The following WFS1 variants were observed in gnomAD, a reference collection of about 807,000 sequenced individuals.
The protein encoded by WFS1 is wolframin.
In WFS1, 90 loss-of-function variants were observed where a neutral mutation model predicts 68.5. The observed-to-expected ratio is 1.31, with a 90% CI of 1.11 to 1.56. The LOEUF (loss-of-function observed/expected upper bound fraction) is 1.56. Among genes scored for constraint, WFS1 ranks in the 40% most tolerant of loss-of-function variants. The pLI is 0.00. For synonymous variants in WFS1, 860 were observed against 540.7 expected (o/e 1.59, Z -8.19); for missense variants, 1,767 against 1,232.6 (o/e 1.43, Z -6.49).
chr4:6,288,814 C>T (rs1054345983), intron 3 of WFS1, 173 bp from the exon 4 acceptor site: 12 of 972,306 alleles, frequency 1.2e-5, no homozygotes, highest in South Asian at 2.9e-5. Flanking sequence ...AGCGAGTGGC[C>T]GGAGGCTCAG....
In WFS1 at chr4:6,289,144, G is replaced by A. The variant is rs761635689; in HGVS notation, c.460+13G>A. On this transcript the variant is annotated intron_variant, in intron 4 of 7. Transcript: ENST00000226760. ...GCGGACAGAAGAGGTGGGTCTGTGT[G>A]AGGCTTAGAACAGCCTCTGGAGGGT... 6 of 1,568,424 alleles carry A rather than the reference G, an allele frequency of 3.8e-6. No individual in the cohort carries two copies. Among genetic ancestry groups the A allele is most frequent in the Non-Finnish European group, 4.3e-6 (5 of 1,157,214 alleles).
rs750061220 is a variant in WFS1, at chr4:6,301,240, A to G, written c.1445A>G (p.Lys482Arg). 5.0e-6 allele frequency: 8 copies of G among 1,611,554 alleles called. No homozygotes were observed. Among genetic ancestry groups the G allele is most frequent in the African/African-American group, 1.3e-5 (1 of 75,010 alleles). ...PSMPLNWPYL[K>R]VLGQTFITVP... ...ATGCCCTTGAATTGGCCCTACCTGA[A>G]GGTCCTTGGCCAGACCTTCATCACC... Residue 482 changes from lysine (K) to arginine (R), a missense_variant, in exon 8 of 8, where the codon AAG becomes AGG. Lys to Arg is a conservative substitution (Grantham distance 26, BLOSUM62 2). Coordinates refer to ENST00000226760, the MANE Select transcript of WFS1 (RefSeq NM_006005.3).
At position 6,301,361 on chromosome 4, in the gene WFS1, G is replaced by A. The variant is rs1383526970; in HGVS notation, c.1566G>A (p.Arg522=). ...TCTTCTTCCGCATGGCACAGCTGAGGAATTTCAAGGGCACCTACTGCTACC... is the reference window on the plus strand; with the variant it reads ...TCTTCTTCCGCATGGCACAGCTGAGAAATTTCAAGGGCACCTACTGCTACC... The part of the protein sequence containing the change: ...LYLFFRMAQL[R]NFKGTYCYLV... Residue 522 remains arginine, a synonymous_variant, in exon 8 of 8, where the codon AGG becomes AGA. Transcript: ENST00000226760. 1.1e-5 allele frequency: 17 copies of A among 1,612,306 alleles called. No homozygotes were observed. Among genetic ancestry groups the A allele is most frequent in the Non-Finnish European group, 1.4e-5 (16 of 1,180,030 alleles).
intron 4 of WFS1, among the ~76,000 whole-genome samples, chr4:6,290,871 T>C (rs1234296468): frequency 6.6e-6 from 1 of 152,108 alleles, no homozygotes; most frequent in Non-Finnish European, 1.5e-5. Context: ...TGTGTGACCT[T>C]GAGTGAGCCA....
chr4:6,275,263 A>G (rs542506661), intron 1 of WFS1, among the ~76,000 whole-genome samples: 1 of 152,302 alleles, frequency 6.6e-6, no homozygotes, highest in South Asian at 2.1e-4. Flanking sequence ...CATGGGAGAG[A>G]AGGTAGACAA....
Position 6,283,895 on chromosome 4 carries a change from G to A in WFS1, c.233-3198G>A, listed in dbSNP as rs1730233315. 6.6e-6 allele frequency among the ~76,000 whole-genome samples: 1 copy of A among 152,142 alleles called. No individual in the cohort carries two copies. The highest frequency in any genetic ancestry group is 1.5e-5 in the Non-Finnish European group (1 of 68,036). On this transcript the variant is annotated intron_variant, in intron 2 of 7. Transcript: ENST00000226760. The surrounding 1 kb of genome is among the most constrained non-coding windows in gnomAD (Gnocchi z 5.0). ...CACGTGTGTTTGATGGTTCTTGGTG[G>A]TCCACACTGATGCAGCCGGCTTCTG... is the stretch of plus-strand genomic sequence containing the variant.
At chr4:6,291,809 C>T (rs908509860) in intron 5 of WFS1, 108 bp from the exon 6 acceptor site, 7 of 1,198,718 alleles carry the variant, frequency 5.8e-6, no homozygotes, top group Admixed American at 4.0e-5. Context: ...ACGTAGGATG[C>T]CCCTGGAACT....
intron 7 of WFS1, 49 bp downstream of exon 7, chr4:6,295,238 C>G: frequency 6.2e-7 from 1 of 1,606,942 alleles, no homozygotes. Flanking sequence ...CCCAAGGACT[C>G]GCGCACCTCA....
chr4:6,299,519 G>C (rs577317791), intron 7 of WFS1, among the ~76,000 whole-genome samples: 26 of 146,888 alleles, frequency 1.8e-4, no homozygotes, highest in Non-Finnish European at 3.0e-4. Flanking sequence ...TTGCGTGTGT[G>C]TGAATGTGTA....
chr4:6,295,782 AGC>A, intron 7 of WFS1, among the ~76,000 whole-genome samples: 1 of 152,206 alleles, frequency 6.6e-6, no homozygotes, highest in South Asian at 2.1e-4. Context: ...GGGAGCGGGA[AGC>A]CCAGCAGTGC....
chr4:6,302,336 C>T lies in WFS1; in HGVS notation c.2541C>T (p.Cys847=). The change falls in exon 8 of 8, where the codon TGC becomes TGT. Residue 847 remains cysteine (C), a synonymous_variant. Coordinates refer to ENST00000226760, the MANE Select transcript of WFS1 (RefSeq NM_006005.3). ...TCTTCGAGCTCAAGGCCATCAGCTG[C>T]CTCAACTGCATGGCCCAGCTCTCAC... ...WPVFELKAIS[C]LNCMAQLSPT... 6.2e-7 allele frequency: 1 copy of T among 1,612,700 alleles called. No individual in the cohort carries two copies. The highest frequency in any genetic ancestry group is 8.5e-7 in the Non-Finnish European group (1 of 1,179,942).
rs141570700 is a variant in WFS1 at position 6,301,725 on chromosome 4, G to A, written c.1930G>A (p.Val644Met). The change falls in exon 8 of 8, where the codon GTG becomes ATG. Residue 644 changes from valine to methionine, a missense_variant. By Grantham distance (21) the Val-to-Met change is conservative. Coordinates refer to ENST00000226760, the MANE Select transcript of WFS1 (RefSeq NM_006005.3). ...KLILVWLTAI[V>M]LFCWFYVYRS... The stretch of plus-strand genomic sequence containing the variant: ...CATCCTGGTGTGGCTCACGGCCATC[G>A]TGCTGTTCTGCTGGTTCTATGTGTA... The A allele has an allele frequency of 4.2e-5, 68 of 1,613,916 alleles. No individual in the cohort carries two copies. Among genetic ancestry groups the A allele is most frequent in the Middle Eastern group, 3.3e-4 (2 of 6,084 alleles).
In WFS1 at chr4:6,301,306, C is replaced by G. The variant is rs28937892; in HGVS notation, c.1511C>G (p.Pro504Arg). Residue 504 changes from proline (P) to arginine (R), a missense_variant, in exon 8 of 8, where the codon CCG (proline) becomes CGG (arginine). Coordinates refer to ENST00000226760, the MANE Select transcript of WFS1 (RefSeq NM_006005.3). ...CTGGTCGTCCTCAACGTCAGCGTCC[C>G]GTGCCTGCTCTATGTCTACCTGCTC... ...GHLVVLNVSV[P>R]CLLYVYLLYL... The G allele has an allele frequency of 5.0e-6, 8 of 1,611,394 alleles. No individual in the cohort carries two copies. Among genetic ancestry groups the G allele is most frequent in the Non-Finnish European group, 6.8e-6 (8 of 1,180,024 alleles).
At position 6,301,031 on chromosome 4, in the gene WFS1, C is replaced by T. The variant is rs753290200; in HGVS notation, c.1236C>T (p.Val412=). Residue 412 remains valine, a synonymous_variant, in exon 8 of 8, where the codon GTC becomes GTT. Coordinates refer to ENST00000226760, the MANE Select transcript of WFS1 (RefSeq NM_006005.3). ...LEPYAHFLLS[V]FFVIFSFPIA... ...CCTATGCCCATTTCCTGCTCTCTGTCTTCTTCGTCATCTTCTCCTTCCCCA... is the reference window on the plus strand; with the variant it reads ...CCTATGCCCATTTCCTGCTCTCTGTTTTCTTCGTCATCTTCTCCTTCCCCA... 33 of 1,614,158 alleles carry T rather than the reference C, an allele frequency of 2.0e-5. No individual in the cohort carries two copies. The South Asian group carries it at 3.0e-4, about 15-fold the overall frequency.
Position 6,271,021 on chromosome 4 carries a change from C to T in WFS1, c.-6+1007C>T, listed in dbSNP as rs144285184. Reference sequence around the variant, plus strand: ...CCCTGGCATTTGGCCCAGGGCTTTGCAGTTTGTAAAGGGCTTTCTCTTATG... The same window carrying T: ...CCCTGGCATTTGGCCCAGGGCTTTGTAGTTTGTAAAGGGCTTTCTCTTATG... On this transcript the variant is annotated intron_variant, in intron 1 of 7. Transcript: ENST00000226760. Among the ~76,000 whole-genome samples the T allele has an allele frequency of 4.6e-3, 699 of 152,330 alleles. 5 individuals are homozygous for T. The highest frequency in any genetic ancestry group is 0.016 in the African/African-American group (653 of 41,574).
intron 7 of WFS1, among the ~76,000 whole-genome samples, chr4:6,296,175 G>A (rs907235521): frequency 3.3e-5 from 5 of 152,216 alleles, no homozygotes; most frequent in South Asian, 2.1e-4. Flanking sequence ...AAAGGTCACC[G>A]TCCTCGAGCC....
At chr4:6,288,216 C>CAA (rs5855906) in intron 3 of WFS1, among the ~76,000 whole-genome samples, 4,566 of 130,990 alleles carry the variant, frequency 0.035, 248 homozygotes, top group African/African-American at 0.11. Flanking sequence ...GACTCTGTCT[C>CAA]AAAAAAAAAA....
chr4:6,300,649 T>A lies in WFS1; in HGVS notation c.862-8T>A. Reference sequence around the variant, plus strand: ...CAGCCTCGTTCCCACGTACCATCTTTCCCCCAGGTGGTCAAGTACCCCCTG... The same window carrying A: ...CAGCCTCGTTCCCACGTACCATCTTACCCCCAGGTGGTCAAGTACCCCCTG... On this transcript the variant is annotated splice_polypyrimidine_tract_variant and splice_region_variant and intron_variant, in intron 7 of 7. Transcript: ENST00000226760. 6.2e-7 allele frequency: 1 copy of A among 1,613,750 alleles called. No homozygotes were observed. The highest frequency in any genetic ancestry group is 8.5e-7 in the Non-Finnish European group (1 of 1,179,878).
At chr4:6,280,031 C>T (rs1307937344) in intron 2 of WFS1, among the ~76,000 whole-genome samples, 2 of 151,906 alleles carry the variant, frequency 1.3e-5, no homozygotes, top group African/African-American at 2.4e-5. Flanking sequence ...CCACTGCCAA[C>T]GGGTCGGGGC....
Sources: gnomAD v4.1 joint callset for allele counts (sites outside exome capture counted in the v4.1 genomes callset) on GRCh38, gnomAD v4.1.1 for gene constraint, Gnocchi (gnomAD v3.1) non-coding constraint, MANE v1.5 for transcripts, NCBI Gene and HGNC (gene_info 2026-07-23, HGNC 2026-07-21) for gene names.